Variants in PRKN observed in about 807,000 individuals in gnomAD.
PRKN encodes the protein E3 ubiquitin-protein ligase parkin.
PRKN carries 56 observed loss-of-function variants against 59.5 expected under a neutral mutation model. The observed-to-expected ratio is 0.94, with a 90% CI of 0.76 to 1.18. The LOEUF is 1.18. PRKN is among the 50% of genes most tolerant of loss of function. The probability of loss-of-function intolerance (pLI) is 0.00; values close to 1 mark genes in which losing one functional copy is unlikely to be tolerated. For synonymous variants in PRKN, 250 were observed against 222.1 expected (o/e 1.13, Z -1.12); for missense variants, 657 against 596.4 (o/e 1.10, Z -1.06).
intron 2 of PRKN, among the ~76,000 whole-genome samples, chr6:162,268,059 ATAGT>A (rs1446875573): frequency 6.6e-6 from 1 of 152,198 alleles, no homozygotes; most frequent in African/African-American, 2.4e-5. Context: ...AGTTATGAAA[ATAGT>A]TATGTTAATA....
rs1489365994 is a variant in PRKN at position 161,372,361 on chromosome 6, G to A, written c.1168-12156C>T. On this transcript the variant is annotated intron_variant, in intron 10 of 11. Transcript: ENST00000366898. The surrounding 1 kb of genome is among the most constrained non-coding windows in gnomAD (Gnocchi z 4.2). Reference sequence around the variant, plus strand: ...TCTGAATGCGGAATCATCACTAATAGGATGTGAGAGGGGTCAAAGCCGACC... The same window carrying A: ...TCTGAATGCGGAATCATCACTAATAAGATGTGAGAGGGGTCAAAGCCGACC... 6.6e-6 allele frequency among the ~76,000 whole-genome samples: 1 copy of A among 152,184 alleles called. No homozygotes were observed. The highest frequency in any genetic ancestry group is 1.5e-5 in the Non-Finnish European group (1 of 68,030).
At chr6:162,650,074 G>A (rs962321740) in intron 1 of PRKN, among the ~76,000 whole-genome samples, 1 of 152,180 alleles carries the variant, frequency 6.6e-6, no homozygotes, top group Non-Finnish European at 1.5e-5. Context: ...TGTTAAGATT[G>A]CTAAAAGTGA....
intron 1 of PRKN, among the ~76,000 whole-genome samples, chr6:162,597,552 GA>G (rs1781539011): frequency 6.6e-6 from 1 of 152,118 alleles, no homozygotes; most frequent in African/African-American, 2.4e-5. Context: ...TATATTGTAT[GA>G]ATTTTGCTTG....
chr6:162,262,488 A>C, intron 3 of PRKN, 37 bp downstream of exon 3: 1 of 1,613,454 alleles, frequency 6.2e-7, no homozygotes, highest in Non-Finnish European at 8.5e-7. Flanking sequence ...AAACAAACAA[A>C]CAAAATGCTT....
chr6:162,552,371 G>A (rs573169285), intron 1 of PRKN, among the ~76,000 whole-genome samples: 42 of 152,262 alleles, frequency 2.8e-4, no homozygotes, highest in Non-Finnish European at 5.0e-4. Context: ...AGCGGGTGGC[G>A]AGAGACAAAG....
chr6:162,308,998 G>C (rs1664228953), intron 2 of PRKN, among the ~76,000 whole-genome samples: 1 of 152,082 alleles, frequency 6.6e-6, no homozygotes, highest in South Asian at 2.1e-4. Flanking sequence ...AACAAACAAT[G>C]TAATTTAGTC....
intron 5 of PRKN, among the ~76,000 whole-genome samples, chr6:162,038,460 G>A (rs138543783): frequency 5.3e-5 from 8 of 152,250 alleles, no homozygotes; most frequent in African/African-American, 1.9e-4. Context: ...ATCAGATAAT[G>A]CTTAAAACAG....
rs951397425 is a variant in PRKN, at chr6:162,607,418, A to C, written c.7+120244T>G. ...GTGGAGATAAGAGGTTAGACAACAT[A>C]CTAATATTAGGTGGAGACAAAGCAA... On this transcript the variant is annotated intron_variant, in intron 1 of 11. Coordinates refer to ENST00000366898, the MANE Select transcript of PRKN (RefSeq NM_004562.3). Among the ~76,000 whole-genome samples the C allele has an allele frequency of 3.3e-5, 5 of 152,146 alleles. 1 individual carries two copies. The highest frequency in any genetic ancestry group is 2.0e-4 in the Admixed American group (3 of 15,270).
intron 1 of PRKN, among the ~76,000 whole-genome samples, chr6:162,652,920 T>C (rs1028631461): frequency 6.6e-6 from 1 of 152,178 alleles, no homozygotes; most frequent in Non-Finnish European, 1.5e-5. Context: ...CTTTTTCAAA[T>C]ACAAAAGATA....
intron 7 of PRKN, among the ~76,000 whole-genome samples, chr6:161,703,837 CTCTTTTTTTTTTTTTTTT>C (rs1786362978): frequency 9.5e-6 from 1 of 104,804 alleles, no homozygotes; most frequent in African/African-American, 4.8e-5. Context: ...CTCTCTCTCT[CTCTTTTTTTTTTTTTTTT>C]TTTTTTTTTT....
chr6:161,653,182 G>T (rs1210335876), intron 7 of PRKN, among the ~76,000 whole-genome samples: 1 of 151,878 alleles, frequency 6.6e-6, no homozygotes, highest in African/African-American at 2.4e-5. Flanking sequence ...CCAACATGGT[G>T]AAACCCCGTC....
intron 4 of PRKN, among the ~76,000 whole-genome samples, chr6:162,109,384 A>G (rs1477778413): frequency 6.6e-6 from 1 of 152,246 alleles, no homozygotes; most frequent in Non-Finnish European, 1.5e-5. Flanking sequence ...CAACTGACTT[A>G]GTAATAGCCA....
At chr6:162,422,983 A>AT (rs925324508) in intron 2 of PRKN, among the ~76,000 whole-genome samples, 15 of 149,330 alleles carry the variant, frequency 1.0e-4, no homozygotes, top group Admixed American at 1.0e-3. Flanking sequence ...AAAAAGCATC[A>AT]TAAGAAGGAA....
At chr6:162,320,185 G>A (rs1004797155) in intron 2 of PRKN, among the ~76,000 whole-genome samples, 9 of 151,382 alleles carry the variant, frequency 5.9e-5, no homozygotes, top group African/African-American at 2.2e-4. Context: ...GTGTATATCT[G>A]CCAGTTTCTT....
rs892581850 is a variant in PRKN, at chr6:161,888,281, G to A, written c.734+85021C>T. 1.8e-4 allele frequency among the ~76,000 whole-genome samples: 27 copies of A among 152,062 alleles called. 1 individual carries two copies. Among genetic ancestry groups the A allele is most frequent in the Admixed American group, 1.6e-3 (24 of 15,264 alleles). On this transcript the variant is annotated intron_variant, in intron 6 of 11. Transcript: ENST00000366898. ...CAGCATATGACAGCTGAATGTCAGC[G>A]CTTACCTTCTACCCATTCATGTTAA...
At chr6:161,537,514 T>G (rs568214150) in intron 9 of PRKN, among the ~76,000 whole-genome samples, 2 of 151,990 alleles carry the variant, frequency 1.3e-5, no homozygotes, top group East Asian at 3.9e-4. Context: ...TTTAGTGGCG[T>G]GATCTCGGCT....
rs1777813089 is a variant in PRKN at position 161,497,853 on chromosome 6, G to A, written c.1083+51001C>T. Among the ~76,000 whole-genome samples, 1 of 152,142 alleles carries A rather than the reference G, an allele frequency of 6.6e-6. No individual in the cohort carries two copies. Among genetic ancestry groups the A allele is most frequent in the African/African-American group, 2.4e-5 (1 of 41,420 alleles). Reference sequence around the variant, plus strand: ...TGTTGAGGCTAACTCTCCTCCCAAGGTGTCTCAAATAGAAAGGCTTGTTCC... The same window carrying A: ...TGTTGAGGCTAACTCTCCTCCCAAGATGTCTCAAATAGAAAGGCTTGTTCC... On this transcript the variant is annotated intron_variant, in intron 9 of 11. Transcript: ENST00000366898. The surrounding 1 kb of genome is among the most constrained non-coding windows in gnomAD (Gnocchi z 4.6).
intron 7 of PRKN, among the ~76,000 whole-genome samples, chr6:161,574,722 T>G (rs1324004430): frequency 6.6e-6 from 1 of 152,226 alleles, no homozygotes; most frequent in Non-Finnish European, 1.5e-5. Context: ...TTTGGACATC[T>G]ATTGGCATTT....
At chr6:161,565,828 G>C (rs910865757) in intron 8 of PRKN, among the ~76,000 whole-genome samples, 1 of 152,068 alleles carries the variant, frequency 6.6e-6, no homozygotes, top group Non-Finnish European at 1.5e-5. Flanking sequence ...CAAGAAAAGA[G>C]AAACAACCAG....
Sources: allele counts gnomAD v4.1 joint callset (sites outside exome capture counted in the v4.1 genomes callset), GRCh38; gene constraint gnomAD v4.1.1; non-coding constraint Gnocchi (gnomAD v3.1); transcripts MANE v1.5; gene names NCBI Gene and HGNC (gene_info 2026-07-23, HGNC 2026-07-21).